METTL15: variants seen among roughly 807,000 people sequenced by gnomAD.
METTL15 encodes the protein methyltransferase 15, mitochondrial 12S rRNA N4-cytidine, also known as 12S rRNA N(4)-cytidine methyltransferase METTL15.
METTL15 carries 34 observed loss-of-function variants against 38.3 expected under a neutral mutation model. The ratio of observed to expected loss-of-function variants is 0.89; its 90% CI spans 0.68 to 1.18. The LOEUF (loss-of-function observed/expected upper bound fraction) is 1.18, where lower values mean the gene tolerates loss of function less well. Ranked by LOEUF, METTL15 falls within the 50% of genes most tolerant of loss-of-function variation. The probability of loss-of-function intolerance (pLI) is 0.00; values close to 1 mark genes in which losing one functional copy is unlikely to be tolerated. For synonymous variants in METTL15, 162 were observed against 170.9 expected, an observed-to-expected ratio of 0.95 and a Z score of 0.41; for missense variants, 438 against 498.4, an observed-to-expected ratio of 0.88 and a Z score of 1.15.
chr11:28,485,973 C>G (rs751387566), intron 6 of METTL15, among the ~76,000 whole-genome samples: 1 of 152,096 alleles, frequency 6.6e-6, no homozygotes, highest in Non-Finnish European at 1.5e-5. Flanking sequence ...AATTAGGACC[C>G]GACTCTTAAG....
chr11:28,272,217 G>C (rs1465411832), intron 4 of METTL15, among the ~76,000 whole-genome samples: 1 of 152,004 alleles, frequency 6.6e-6, no homozygotes, highest in Non-Finnish European at 1.5e-5. Flanking sequence ...CCCATTACTG[G>C]GTATATACCC....
chr11:28,344,057 A>G (rs962715754), intron 3 of METTL15, among the ~76,000 whole-genome samples: 2 of 152,224 alleles, frequency 1.3e-5, no homozygotes, highest in African/African-American at 2.4e-5. Context: ...TTCCTGGGAC[A>G]TAATTCACCA....
At chr11:28,188,987 C>T (rs1296207825) in intron 3 of METTL15, among the ~76,000 whole-genome samples, 4 of 151,068 alleles carry the variant, frequency 2.6e-5, no homozygotes, top group Non-Finnish European at 5.9e-5. Context: ...TGTAAAATAT[C>T]GTTTACCATA....
chr11:28,122,192 A>AT, intron 3 of METTL15: 2 of 1,254,478 alleles, frequency 1.6e-6, no homozygotes, highest in Admixed American at 2.6e-5. Flanking sequence ...TAAATTTAAC[A>AT]TTTTTTTAAA....
chr11:28,240,781 A>T (rs6484359), intron 4 of METTL15, among the ~76,000 whole-genome samples: 57,424 of 152,034 alleles, frequency 0.38, 12,476 homozygotes, highest in African/African-American at 0.6. Context: ...TTTAAAAAGA[A>T]GGGAAACATA....
intron 5 of METTL15, among the ~76,000 whole-genome samples, chr11:28,369,513 C>T (rs1307774281): frequency 6.6e-6 from 1 of 151,904 alleles, no homozygotes; most frequent in East Asian, 1.9e-4. Context: ...TCAAACCGTC[C>T]AAAGGCAAAG....
intron 6 of METTL15, among the ~76,000 whole-genome samples, chr11:28,431,380 C>T (rs1420748390): frequency 9.8e-6 from 1 of 102,096 alleles, no homozygotes; most frequent in African/African-American, 3.3e-5. Context: ...GGATGGTTGC[C>T]ATGTCTGTGT....
intron 3 of METTL15, among the ~76,000 whole-genome samples, chr11:28,166,458 A>G (rs1275953633): frequency 2.0e-5 from 3 of 152,180 alleles, no homozygotes; most frequent in Non-Finnish European, 4.4e-5. Flanking sequence ...TACAGAATAC[A>G]AATTTCCTAG....
At chr11:28,197,593 G>A (rs756246914) in intron 3 of METTL15, 1 of 392,672 alleles carries the variant, frequency 2.5e-6, no homozygotes, top group Non-Finnish European at 5.3e-6. Context: ...GGTATAGTAT[G>A]GCCTTTTCTA....
chr11:28,275,903 A>G lies in METTL15; in HGVS notation c.408-14303A>G, dbSNP rs571133571. ...ATTTAATAAAATTCAACCTCCCTTC[A>G]TGATAAAAACTCTTAAAAATCTAGG... On this transcript the variant is annotated intron_variant, in intron 4 of 6. Transcript: ENST00000407364. Among the ~76,000 whole-genome samples, 6 of 152,232 alleles carry G rather than the reference A, an allele frequency of 3.9e-5. No homozygotes were observed. The South Asian group carries it at 8.3e-4, about 21-fold the overall frequency.
intron 5 of METTL15, among the ~76,000 whole-genome samples, chr11:28,374,478 G>A (rs1850283077): frequency 6.9e-6 from 1 of 145,240 alleles, no homozygotes; most frequent in South Asian, 2.3e-4. Flanking sequence ...TCTGTTGTTG[G>A]TGTATAGGAA....
At chr11:28,425,396 GT>G (rs1457484687) in intron 6 of METTL15, among the ~76,000 whole-genome samples, 1 of 152,202 alleles carries the variant, frequency 6.6e-6, no homozygotes, top group Non-Finnish European at 1.5e-5. Context: ...TCAGGCCTCT[GT>G]CCACTTCTCT....
intron 6 of METTL15, among the ~76,000 whole-genome samples, chr11:28,515,439 T>G (rs542571381): frequency 6.6e-6 from 1 of 152,234 alleles, no homozygotes; most frequent in African/African-American, 2.4e-5. Flanking sequence ...TTGATTTTTC[T>G]CCATGAGGGA....
intron 5 of METTL15, among the ~76,000 whole-genome samples, chr11:28,388,655 A>G (rs978965602): frequency 6.6e-6 from 1 of 152,080 alleles, no homozygotes; most frequent in Non-Finnish European, 1.5e-5. Flanking sequence ...ACTCAATGCA[A>G]TCTCCATCAA....
chr11:28,512,890 C>A (rs552659239), intron 6 of METTL15, among the ~76,000 whole-genome samples: 21 of 152,170 alleles, frequency 1.4e-4, no homozygotes, highest in Admixed American at 3.9e-4. Context: ...CATGCTGTCA[C>A]CTCTCACTAT....
chr11:28,429,377 C>CTCTCCT (rs1850892758), intron 6 of METTL15, among the ~76,000 whole-genome samples: 1 of 137,822 alleles, frequency 7.3e-6, no homozygotes, highest in Admixed American at 7.4e-5. Flanking sequence ...CTCCCTCTCC[C>CTCTCCT]TCTCCCTCTC....
chr11:28,261,620 G>A (rs1361273651), intron 4 of METTL15: 2 of 152,154 alleles, frequency 1.3e-5, no homozygotes, highest in African/African-American at 4.8e-5. Context: ...CATGATGTAA[G>A]AGATAAATAT....
chr11:28,461,952 TTATTCTC>T (rs1851219439), intron 6 of METTL15, among the ~76,000 whole-genome samples: 1 of 152,070 alleles, frequency 6.6e-6, no homozygotes, highest in Non-Finnish European at 1.5e-5. Context: ...AAAAAAATCT[TTATTCTC>T]TGTAGATGTG....
intron 3 of METTL15, among the ~76,000 whole-genome samples, chr11:28,130,050 A>G (rs986250213): frequency 6.6e-6 from 1 of 152,110 alleles, no homozygotes; most frequent in Non-Finnish European, 1.5e-5. Flanking sequence ...TGGCTCACGC[A>G]TATAATCCCA....
Sources: gnomAD v4.1 joint callset for allele counts (sites outside exome capture counted in the v4.1 genomes callset) on GRCh38, gnomAD v4.1.1 for gene constraint, MANE v1.5 for transcripts, NCBI Gene and HGNC (gene_info 2026-07-23, HGNC 2026-07-21) for gene names.